The following DSCAM variants were observed in gnomAD, a reference collection of about 807,000 sequenced individuals.
DSCAM encodes DS cell adhesion molecule, also known as cell adhesion molecule DSCAM.
Under a neutral mutation model 217.7 loss-of-function variants are expected in DSCAM, and 47 were observed. The observed-to-expected ratio is 0.22, with a 90% CI of 0.17 to 0.28. DSCAM has a LOEUF of 0.28. DSCAM is among the 10% of genes least tolerant of loss of function. The pLI is 1.00. For synonymous variants in DSCAM, 1,056 were observed against 1,015.3 expected (o/e 1.04, Z -0.76); for missense variants, 2,080 against 2,618.3 (o/e 0.79, Z 4.49).
chr21:40,427,882 G>A (rs2075490865), intron 3 of DSCAM, among the ~76,000 whole-genome samples: 1 of 152,200 alleles, frequency 6.6e-6, no homozygotes, highest in Non-Finnish European at 1.5e-5. Flanking sequence ...ATGAATATCA[G>A]CACTGAGGCA....
chr21:40,404,793 T>TCAGTTTG lies in DSCAM; in HGVS notation c.509-35555_509-35549dup, dbSNP rs1349072868. On this transcript the variant is annotated intron_variant, in intron 3 of 32. Coordinates refer to ENST00000400454, the MANE Select transcript of DSCAM (RefSeq NM_001389.5). ...GCTGTCATCCTCTAGGAAAGTCTCC[T>TCAGTTTG]CAGTTTGCACTCCTGGCACTGTTTG... 2.6e-5 allele frequency among the ~76,000 whole-genome samples: 4 copies of TCAGTTTG among 152,200 alleles called. No homozygotes were observed. The East Asian group carries it at 7.7e-4, about 29-fold the overall frequency.
chr21:40,700,553 G>A (rs1336830351), intron 2 of DSCAM, among the ~76,000 whole-genome samples: 1 of 151,884 alleles, frequency 6.6e-6, no homozygotes, highest in Non-Finnish European at 1.5e-5. Flanking sequence ...ATATGTTGTT[G>A]GATTCAATTT....
chr21:40,677,825 G>A (rs1313927164), intron 3 of DSCAM, among the ~76,000 whole-genome samples: 1 of 151,978 alleles, frequency 6.6e-6, no homozygotes, highest in Non-Finnish European at 1.5e-5. Context: ...TATGAACCAG[G>A]AAGAGAACCC....
chr21:40,121,355 C>T (rs1204360291), intron 20 of DSCAM, among the ~76,000 whole-genome samples: 1 of 152,194 alleles, frequency 6.6e-6, no homozygotes, highest in East Asian at 1.9e-4. Context: ...ATAATTGTCT[C>T]TGAGCTTGAC....
chr21:40,712,751 T>C (rs1424514413), intron 1 of DSCAM, among the ~76,000 whole-genome samples: 8 of 152,150 alleles, frequency 5.3e-5, no homozygotes, highest in Non-Finnish European at 1.2e-4. Context: ...TTACAACTCT[T>C]TTAAGTAGAT....
In DSCAM at chr21:40,594,784, A is replaced by G. The variant is rs113628938; in HGVS notation, c.508+98026T>C. On this transcript the variant is annotated intron_variant, in intron 3 of 32. Coordinates refer to ENST00000400454, the MANE Select transcript of DSCAM (RefSeq NM_001389.5). ...TCAACTGGGTCCAGCAAATGGAACAAATGATTGTGTTTTTGGTGTTACTCA... is the reference window on the plus strand; with the variant it reads ...TCAACTGGGTCCAGCAAATGGAACAGATGATTGTGTTTTTGGTGTTACTCA... Among the ~76,000 whole-genome samples the G allele has an allele frequency of 4.3e-3, 662 of 152,336 alleles. 6 individuals are homozygous for G. Among genetic ancestry groups the G allele is most frequent in the African/African-American group, 0.015 (619 of 41,580 alleles).
intron 3 of DSCAM, among the ~76,000 whole-genome samples, chr21:40,403,050 A>T (rs889546994): frequency 1.3e-5 from 2 of 152,170 alleles, no homozygotes; most frequent in African/African-American, 4.8e-5. Context: ...AGACACTGAA[A>T]GCAGGCACTT....
chr21:40,176,222 G>A (rs1041215565), intron 15 of DSCAM, among the ~76,000 whole-genome samples: 1 of 152,106 alleles, frequency 6.6e-6, no homozygotes, highest in South Asian at 2.1e-4. Context: ...TCAAGACAGG[G>A]GAAGAAGCAC....
At chr21:40,458,024 A>C (rs150687412) in intron 3 of DSCAM, among the ~76,000 whole-genome samples, 50 of 152,224 alleles carry the variant, frequency 3.3e-4, no homozygotes, top group Non-Finnish European at 6.9e-4. Context: ...AAATTTAATA[A>C]AGTGAAACCT....
intron 8 of DSCAM, among the ~76,000 whole-genome samples, chr21:40,315,040 G>T (rs146802154): frequency 7.9e-5 from 12 of 152,286 alleles, no homozygotes; most frequent in African/African-American, 2.6e-4. Context: ...GAAGGAATAC[G>T]TGAGGATTTA....
chr21:40,709,230 GC>G (rs1230357444), intron 1 of DSCAM, among the ~76,000 whole-genome samples: 1 of 152,188 alleles, frequency 6.6e-6, no homozygotes, highest in Non-Finnish European at 1.5e-5. Flanking sequence ...ATGTGTGAAT[GC>G]CTAGATCTTG....
chr21:40,122,477 G>A (rs2090045857), intron 20 of DSCAM, among the ~76,000 whole-genome samples: 1 of 152,174 alleles, frequency 6.6e-6, no homozygotes, highest in African/African-American at 2.4e-5. Context: ...AGTGGAAAAT[G>A]AGTATACTTT....
chr21:40,780,441 A>ATATATATATATATATATATCTATC (rs1407749651), intron 1 of DSCAM, among the ~76,000 whole-genome samples: 3 of 141,316 alleles, frequency 2.1e-5, no homozygotes, highest in Non-Finnish European at 4.7e-5. Context: ...ATATATATAT[A>ATATATATATATATATATATCTATC]TATATATCTC....
At chr21:40,653,771 T>C (rs1231396328) in intron 3 of DSCAM, among the ~76,000 whole-genome samples, 6 of 152,116 alleles carry the variant, frequency 3.9e-5, no homozygotes, top group Admixed American at 2.6e-4. Context: ...AAAATACAAC[T>C]TCAATTCTAA....
chr21:40,675,970 G>C (rs1207383344), intron 3 of DSCAM, among the ~76,000 whole-genome samples: 1 of 152,156 alleles, frequency 6.6e-6, no homozygotes, highest in Non-Finnish European at 1.5e-5. Context: ...CATCGTCTTA[G>C]ATCCAGAATT....
intron 1 of DSCAM, among the ~76,000 whole-genome samples, chr21:40,809,876 G>A (rs778831124): frequency 5.9e-5 from 9 of 152,202 alleles, no homozygotes; most frequent in African/African-American, 9.6e-5. Context: ...GGAAAAGGGC[G>A]ATGACGTGGC....
chr21:40,649,395 C>T (rs1010772180), intron 3 of DSCAM, among the ~76,000 whole-genome samples: 4 of 152,210 alleles, frequency 2.6e-5, no homozygotes, highest in Non-Finnish European at 4.4e-5. Flanking sequence ...ACACCACCAC[C>T]ACAGCCTCCA....
At chr21:40,221,437 T>A (rs1449027864) in intron 11 of DSCAM, among the ~76,000 whole-genome samples, 2 of 148,592 alleles carry the variant, frequency 1.3e-5, no homozygotes, top group African/African-American at 4.9e-5. Flanking sequence ...ATAGGATTAT[T>A]ATATAAATAA....
rs537231096 is a variant in DSCAM at position 40,433,530 on chromosome 21, A to C, written c.509-64285T>G. Among the ~76,000 whole-genome samples the C allele has an allele frequency of 5.3e-5, 8 of 152,320 alleles. No homozygotes were observed. In the East Asian group the frequency reaches 1.5e-3, roughly 29 times the overall value. ...TGATTTTCCTATAATTCAATTATTA[A>C]GGAATGAAAACAAAAGCTTGGAGAG... On this transcript the variant is annotated intron_variant, in intron 3 of 32. Transcript: ENST00000400454.
Sources: gnomAD v4.1 joint callset for allele counts (sites outside exome capture counted in the v4.1 genomes callset) on GRCh38, gnomAD v4.1.1 for gene constraint, MANE v1.5 for transcripts, NCBI Gene and HGNC (gene_info 2026-07-23, HGNC 2026-07-21) for gene names.